RALGAPA2: variants seen among roughly 807,000 people sequenced by gnomAD.
RALGAPA2 encodes ral GTPase-activating protein subunit alpha-2.
Under a neutral mutation model 230.4 loss-of-function variants are expected in RALGAPA2, and 139 were observed. The ratio of observed to expected loss-of-function variants is 0.60; its 90% CI spans 0.53 to 0.69. The LOEUF (loss-of-function observed/expected upper bound fraction) is 0.69, where lower values mean the gene tolerates loss of function less well. RALGAPA2 is among the 30% of genes least tolerant of loss of function. The pLI, the probability that RALGAPA2 is intolerant of heterozygous loss-of-function variation, is 0.00. For missense variants in RALGAPA2, 2,163 were observed against 2,276.0 expected (o/e 0.95, Z 1.01); for synonymous variants, 847 against 837.8 (o/e 1.01, Z -0.19).
chr20:20,579,369 C>A (rs1036549286), intron 20 of RALGAPA2, among the ~76,000 whole-genome samples: 2 of 152,134 alleles, frequency 1.3e-5, no homozygotes, highest in East Asian at 3.9e-4. Flanking sequence ...AGACAACAGG[C>A]GTCCCCCTCC....
intron 38 of RALGAPA2, among the ~76,000 whole-genome samples, chr20:20,400,280 C>T (rs373566916): frequency 6.6e-6 from 1 of 152,180 alleles, no homozygotes; most frequent in African/African-American, 2.4e-5. Context: ...GTGTCCTGGC[C>T]CTGGCTCTGA....
intron 33 of RALGAPA2, among the ~76,000 whole-genome samples, chr20:20,507,031 T>C (rs1025429791): frequency 6.6e-6 from 1 of 152,252 alleles, no homozygotes; most frequent in South Asian, 2.1e-4. Flanking sequence ...CATTTTAGGA[T>C]ACACTTTTGC....
intron 35 of RALGAPA2, among the ~76,000 whole-genome samples, chr20:20,502,600 C>T (rs1419396480): frequency 6.6e-6 from 1 of 152,214 alleles, no homozygotes; most frequent in East Asian, 1.9e-4. Flanking sequence ...ATAACCACCA[C>T]AGTAGACTCC....
chr20:20,443,728 G>C (rs2060794871), intron 37 of RALGAPA2, among the ~76,000 whole-genome samples: 1 of 152,256 alleles, frequency 6.6e-6, no homozygotes, highest in Admixed American at 6.5e-5. Flanking sequence ...CTCTGGGCCT[G>C]TTTCCGCATG....
rs963350316 is a variant in RALGAPA2, at chr20:20,545,200, A to G, written c.3285+1504T>C. 5.3e-5 allele frequency among the ~76,000 whole-genome samples: 8 copies of G among 152,296 alleles called. No individual in the cohort carries two copies. In the South Asian group the frequency reaches 1.2e-3, roughly 24 times the overall value. On this transcript the variant is annotated intron_variant, in intron 24 of 39. Coordinates refer to ENST00000202677, the MANE Select transcript of RALGAPA2 (RefSeq NM_020343.4). ...ATTATTTACGATAAAGCCACAGTTG[A>G]ACAAATTCAACATTTTTCTTCTTCT...
intron 36 of RALGAPA2, among the ~76,000 whole-genome samples, chr20:20,481,888 G>T (rs1438488098): frequency 6.6e-6 from 1 of 152,070 alleles, no homozygotes; most frequent in Non-Finnish European, 1.5e-5. Context: ...TGACTAAAAG[G>T]TTCAAATGCC....
intron 26 of RALGAPA2, among the ~76,000 whole-genome samples, chr20:20,534,738 G>A (rs999603090): frequency 3.3e-5 from 5 of 152,106 alleles, no homozygotes; most frequent in Non-Finnish European, 7.4e-5. Flanking sequence ...TAAAGAAAAT[G>A]AAATAGTACT....
chr20:20,680,783 T>A lies in RALGAPA2; in HGVS notation c.125A>T (p.Asp42Val), dbSNP rs373074484. Residue 42 changes from aspartate to valine, a missense_variant, in exon 2 of 40, where the codon GAT (aspartate) becomes GTT (valine). Coordinates refer to ENST00000202677, the MANE Select transcript of RALGAPA2 (RefSeq NM_020343.4). ...GTTGGTCTCAAAAAACTGCTTAAGA[T>A]CATTTGCATCCACATTATCTGAAAA... Reference protein sequence around the residue: ...RALLDNVDANDLKQFFETNYS... With the variant: ...RALLDNVDANVLKQFFETNYS... The A allele has an allele frequency of 6.3e-7, 1 of 1,580,080 alleles. No homozygotes were observed. Among genetic ancestry groups the A allele is most frequent in the African/African-American group, 1.4e-5 (1 of 72,944 alleles).
At chr20:20,650,890 T>C (rs537644852) in intron 4 of RALGAPA2, among the ~76,000 whole-genome samples, 33 of 152,284 alleles carry the variant, frequency 2.2e-4, no homozygotes, top group Middle Eastern at 6.8e-3. Flanking sequence ...ATCCATAATC[T>C]CTTATGGACC....
rs956172017 is a variant in RALGAPA2 at position 20,484,840 on chromosome 20, A to T, written c.5367+10277T>A. Among the ~76,000 whole-genome samples, 11 of 152,288 alleles carry T rather than the reference A, an allele frequency of 7.2e-5. No homozygotes were observed. The East Asian group carries it at 7.7e-4, about 11-fold the overall frequency. On this transcript the variant is annotated intron_variant, in intron 36 of 39. Coordinates refer to ENST00000202677, the MANE Select transcript of RALGAPA2 (RefSeq NM_020343.4). The stretch of plus-strand genomic sequence containing the variant: ...GAACCTGGTTCTGATCTCAGTGCTC[A>T]ATGTACAGTATGTAATTCTCACAAC...
chr20:20,563,360 C>T (rs939285867), intron 23 of RALGAPA2, among the ~76,000 whole-genome samples: 6 of 152,278 alleles, frequency 3.9e-5, no homozygotes, highest in African/African-American at 1.4e-4. Context: ...TATGTCTTGG[C>T]TAACAAAAAC....
At chr20:20,526,101 G>C in intron 28 of RALGAPA2, 151 bp downstream of exon 28, 1 of 630,644 alleles carries the variant, frequency 1.6e-6, no homozygotes, top group Non-Finnish European at 2.7e-6. Context: ...CAGCTGAGAA[G>C]AACCAGTCTA....
chr20:20,640,016 A>C, intron 6 of RALGAPA2, 116 bp from the exon 7 acceptor site: 3 of 752,440 alleles, frequency 4.0e-6, no homozygotes, highest in Non-Finnish European at 6.8e-6. Flanking sequence ...GAAGCAGCTC[A>C]CACTGAGGAG....
chr20:20,589,312 G>C lies in RALGAPA2; in HGVS notation c.2395C>G (p.Gln799Glu). 1 of 1,589,908 alleles carries C rather than the reference G, an allele frequency of 6.3e-7. No individual in the cohort carries two copies. Among genetic ancestry groups the C allele is most frequent in the Non-Finnish European group, 8.6e-7 (1 of 1,166,570 alleles). ...NSSSSEPQPI[Q>E]ENKGHVKREH... is the part of the protein sequence containing the mutation. Reference sequence around the variant, plus strand: ...CTCTTCACATGTCCTTTATTCTCTTGAATAGGCTGAGGCTCTGAAGAACTC... The same window carrying C: ...CTCTTCACATGTCCTTTATTCTCTTCAATAGGCTGAGGCTCTGAAGAACTC... Residue 799 changes from glutamine to glutamate, a missense_variant, in exon 18 of 40, where the codon CAA becomes GAA. Gln to Glu is a conservative substitution (Grantham distance 29, BLOSUM62 2). Coordinates refer to ENST00000202677, the MANE Select transcript of RALGAPA2 (RefSeq NM_020343.4).
intron 26 of RALGAPA2, 86 bp downstream of exon 26, chr20:20,535,659 A>G: frequency 6.8e-7 from 1 of 1,475,154 alleles, no homozygotes. Context: ...TGAAAGAATA[A>G]GTGTTTTCTT....
In RALGAPA2 at chr20:20,604,673, T is replaced by C. The variant is rs549074642; in HGVS notation, c.2038+502A>G. Among the ~76,000 whole-genome samples the C allele has an allele frequency of 1.1e-4, 14 of 131,210 alleles. 1 individual carries two copies. The highest frequency in any genetic ancestry group is 2.1e-4 in the Non-Finnish European group (12 of 58,480). The allele number at this position is 131,210 out of a possible 152,430, so 86.1% of individuals were successfully genotyped here. A position where few individuals can be genotyped will look rare whatever the true frequency, so the allele number is the denominator to read the frequency against. On this transcript the variant is annotated intron_variant, in intron 15 of 39. Transcript: ENST00000202677. ...TAAACTTTCTTAAAACATTATGAGATTTTTTTTTTTTTTGCAATTTCTTTT... is the reference window on the plus strand; with the variant it reads ...TAAACTTTCTTAAAACATTATGAGACTTTTTTTTTTTTTGCAATTTCTTTT...
intron 3 of RALGAPA2, 88 bp from the exon 4 acceptor site, chr20:20,653,675 C>G: frequency 1.4e-6 from 1 of 728,028 alleles, no homozygotes; most frequent in South Asian, 1.8e-5. Flanking sequence ...TAGGTAAGTT[C>G]TAGAAGAGGA....
chr20:20,669,796 A>G (rs887775664), intron 3 of RALGAPA2, among the ~76,000 whole-genome samples: 8 of 152,146 alleles, frequency 5.3e-5, no homozygotes. Flanking sequence ...CTTCATAACA[A>G]TCATTTTCAT....
At chr20:20,638,945 G>A (rs1446282075) in intron 7 of RALGAPA2, among the ~76,000 whole-genome samples, 1 of 152,198 alleles carries the variant, frequency 6.6e-6, no homozygotes, top group African/African-American at 2.4e-5. Context: ...GAAGGGAGGA[G>A]AATTGCCAGA....
Sources: allele counts gnomAD v4.1 joint callset (sites outside exome capture counted in the v4.1 genomes callset), GRCh38; gene constraint gnomAD v4.1.1; transcripts MANE v1.5; gene names NCBI Gene and HGNC (gene_info 2026-07-23, HGNC 2026-07-21).